CLIC6: variants seen among roughly 807,000 people sequenced by gnomAD.
CLIC6 encodes the protein CLIC family member 6.
CLIC6 carries 39 observed loss-of-function variants against 49.2 expected under a neutral mutation model. That is an observed-to-expected ratio of 0.79 (90% confidence interval 0.61 to 1.04). The LOEUF is 1.04. Among genes scored for constraint, CLIC6 ranks in the 50% least tolerant of loss-of-function variants. CLIC6 has a pLI of 0.00. For missense variants in CLIC6, 988 were observed against 993.1 expected (o/e 0.99, Z 0.07); for synonymous variants, 446 against 433.4 (o/e 1.03, Z -0.36).
At chr21:34,677,079 A>C (rs1989687009) in intron 1 of CLIC6, among the ~76,000 whole-genome samples, 1 of 152,172 alleles carries the variant, frequency 6.6e-6, no homozygotes, top group Non-Finnish European at 1.5e-5. Context: ...ACGGTATCCA[A>C]GTCCATCTTC....
At chr21:34,697,096 T>A (rs573691080) in intron 1 of CLIC6, among the ~76,000 whole-genome samples, 2 of 152,168 alleles carry the variant, frequency 1.3e-5, no homozygotes, top group African/African-American at 4.8e-5. Context: ...ATTGCAGCCT[T>A]TGTTGAGAGT....
At chr21:34,690,270 C>T (rs1347424711) in intron 1 of CLIC6, among the ~76,000 whole-genome samples, 2 of 152,174 alleles carry the variant, frequency 1.3e-5, no homozygotes, top group Non-Finnish European at 2.9e-5. Context: ...CACCCCACAG[C>T]ACAGCCAAGT....
Position 34,670,149 on chromosome 21 carries a change from A to T in CLIC6, c.761A>T (p.Asp254Val), listed in dbSNP as rs914584759. The T allele has an allele frequency of 4.6e-6, 4 of 872,700 alleles. No individual in the cohort carries two copies. The highest frequency in any genetic ancestry group is 5.3e-6 in the Non-Finnish European group (4 of 754,144). 54.1% of individuals were successfully genotyped at this position (872,700 alleles called of 1,614,324 possible). Residue 254 changes from aspartate (D) to valine (V), a missense_variant, in exon 1 of 6, where the codon GAC becomes GTC. Physicochemically the swap from Asp to Val is radical, Grantham distance 152. Around this residue, in one of 3 missense-constraint regions of CLIC6, gnomAD observed 647 missense variants for 596.9 expected, o/e 1.08. Transcript: ENST00000349499. Reference protein sequence around the residue: ...GRVGDSVEAGDPAGDGVEAGV... With the variant: ...GRVGDSVEAGVPAGDGVEAGV... ...GTGGGGGACAGCGTAGAGGCGGGGGACCCGGCGGGGGACGGCGTAGAAGCG... is the reference window on the plus strand; with the variant it reads ...GTGGGGGACAGCGTAGAGGCGGGGGTCCCGGCGGGGGACGGCGTAGAAGCG...
At chr21:34,686,352 G>T (rs1409932223) in intron 1 of CLIC6, among the ~76,000 whole-genome samples, 1 of 152,192 alleles carries the variant, frequency 6.6e-6, no homozygotes, top group Non-Finnish European at 1.5e-5. Context: ...TGTGAGCTGA[G>T]ATCACGCCAC....
chr21:34,670,565 T>A lies in CLIC6; in HGVS notation c.1177T>A (p.Ser393Thr). Residue 393 changes from serine (S) to threonine (T), a missense_variant, in exon 1 of 6, where the codon TCC becomes ACC. This residue lies in a region of CLIC6 where 647 missense variants were observed against 596.9 expected (regional missense o/e 1.08). Transcript: ENST00000349499. The part of the protein sequence containing the change: ...EEEAAGGEEE[S>T]PDSSPHGEAS... The stretch of plus-strand genomic sequence containing the variant: ...GGAAGCAGCGGGGGGCGAAGAGGAA[T>A]CCCCCGACAGCAGCCCACATGGGGA... The A allele has an allele frequency of 1.3e-6, 2 of 1,503,514 alleles. No homozygotes were observed. The highest frequency in any genetic ancestry group is 2.2e-4 in the Middle Eastern group (1 of 4,648). 93.1% of individuals were successfully genotyped at this position (1,503,514 alleles called of 1,614,324 possible). A position where few individuals can be genotyped will look rare whatever the true frequency, so the allele number is the denominator to read the frequency against.
chr21:34,678,104 C>A (rs1989706415), intron 1 of CLIC6, among the ~76,000 whole-genome samples: 1 of 147,834 alleles, frequency 6.8e-6, no homozygotes, highest in South Asian at 2.2e-4. Flanking sequence ...CTGTGGACCA[C>A]AAAGCCCACA....
At chr21:34,690,210 C>T (rs866069568) in intron 1 of CLIC6, among the ~76,000 whole-genome samples, 6 of 152,234 alleles carry the variant, frequency 3.9e-5, no homozygotes, top group Middle Eastern at 3.4e-3. Context: ...GAGGGCACAG[C>T]GCTGCCTGGA....
intron 1 of CLIC6, among the ~76,000 whole-genome samples, chr21:34,703,812 C>A (rs1364264273): frequency 6.6e-6 from 1 of 152,094 alleles, no homozygotes; most frequent in Non-Finnish European, 1.5e-5. Flanking sequence ...AGGCTGGTAT[C>A]CCGAGAGCTT....
intron 1 of CLIC6, among the ~76,000 whole-genome samples, chr21:34,701,476 A>T (rs1483141258): frequency 6.6e-6 from 1 of 152,148 alleles, no homozygotes; most frequent in Non-Finnish European, 1.5e-5. Context: ...TGATGATGAT[A>T]ATGACAATAA....
intron 1 of CLIC6, among the ~76,000 whole-genome samples, chr21:34,702,967 T>C (rs1430500932): frequency 6.6e-6 from 1 of 152,148 alleles, no homozygotes; most frequent in Non-Finnish European, 1.5e-5. Flanking sequence ...CACCTACTGT[T>C]TTTATTCAGC....
intron 1 of CLIC6, among the ~76,000 whole-genome samples, chr21:34,692,364 A>G (rs1233649359): frequency 6.6e-6 from 1 of 152,170 alleles, no homozygotes; most frequent in Admixed American, 6.5e-5. Context: ...TTTCTAGACA[A>G]TCCTCTGTGA....
intron 1 of CLIC6, among the ~76,000 whole-genome samples, chr21:34,692,257 A>G (rs374016389): frequency 2.0e-5 from 3 of 152,188 alleles, no homozygotes; most frequent in African/African-American, 7.2e-5. Flanking sequence ...GATAGTGTCA[A>G]CTCATGGGGA....
chr21:34,678,202 C>T (rs978975393), intron 1 of CLIC6, among the ~76,000 whole-genome samples: 12 of 150,656 alleles, frequency 8.0e-5, no homozygotes, highest in Admixed American at 2.0e-4. Context: ...GAGGCTGAGG[C>T]GGGCAGATCA....
intron 2 of CLIC6, among the ~76,000 whole-genome samples, chr21:34,707,641 T>A (rs936469129): frequency 2.0e-5 from 3 of 152,144 alleles, no homozygotes; most frequent in African/African-American, 7.2e-5. Flanking sequence ...CAGCTGTGAC[T>A]CTCCCAAGCC....
At chr21:34,681,150 G>A (rs1430761337) in intron 1 of CLIC6, among the ~76,000 whole-genome samples, 4 of 152,234 alleles carry the variant, frequency 2.6e-5, no homozygotes, top group Non-Finnish European at 5.9e-5. Context: ...GGAGGCCTCA[G>A]GAAACTTGCA....
At chr21:34,699,691 C>T (rs1420098503) in intron 1 of CLIC6, among the ~76,000 whole-genome samples, 4 of 152,078 alleles carry the variant, frequency 2.6e-5, no homozygotes, top group East Asian at 1.9e-4. Flanking sequence ...CAGCATCGTT[C>T]GTAATACTAG....
chr21:34,690,614 G>A (rs1989974477), intron 1 of CLIC6, among the ~76,000 whole-genome samples: 1 of 152,132 alleles, frequency 6.6e-6, no homozygotes, highest in Non-Finnish European at 1.5e-5. Context: ...TCATTACCCT[G>A]ACACTGGGTT....
intron 1 of CLIC6, among the ~76,000 whole-genome samples, chr21:34,682,488 CT>C (rs1989795860): frequency 6.6e-6 from 1 of 152,028 alleles, no homozygotes; most frequent in Non-Finnish European, 1.5e-5. Context: ...TGCTTATATT[CT>C]CTGCATTTTT....
rs1456224616 is a variant in CLIC6 at position 34,682,799 on chromosome 21, CCATTTTTTTTT to C, written c.1374+12038_1374+12048del. Among the ~76,000 whole-genome samples the C allele has an allele frequency of 8.7e-3, 1,165 of 133,290 alleles. 21 individuals are homozygous for C. Among genetic ancestry groups the C allele is most frequent in the African/African-American group, 0.031 (1,116 of 36,510 alleles). 87.4% of individuals were successfully genotyped at this position (133,290 alleles called of 152,430 possible). On this transcript the variant is annotated intron_variant, in intron 1 of 5. Transcript: ENST00000349499. The stretch of plus-strand genomic sequence containing the variant: ...TATTTCCAGTCCTACCCCTTTCCCT[CCATTTTTTTTT>C]TTTTTTTTTTTTTTTTTTTGAGACG...
Sources: gnomAD v4.1 joint callset for allele counts (sites outside exome capture counted in the v4.1 genomes callset) on GRCh38, gnomAD v4.1.1 for gene constraint, gnomAD v4.1.1 regional missense constraint, MANE v1.5 for transcripts, NCBI Gene and HGNC (gene_info 2026-07-23, HGNC 2026-07-21) for gene names.